The following CLASP2 variants were observed in gnomAD, a reference collection of about 807,000 sequenced individuals.
CLASP2 encodes the protein cytoplasmic linker associated protein 2, also known as CLIP-associating protein 2.
CLASP2 carries 47 observed loss-of-function variants against 194.4 expected under a neutral mutation model. The observed-to-expected ratio is 0.24, with a 90% confidence interval of 0.19 to 0.31. CLASP2 has a LOEUF of 0.31. CLASP2 is among the 10% of genes least tolerant of loss of function. The probability of loss-of-function intolerance (pLI) is 1.00; values close to 1 mark genes in which losing one functional copy is unlikely to be tolerated. For missense variants in CLASP2, 1,445 were observed against 1,823.6 expected, an observed-to-expected ratio of 0.79 and a Z score of 3.78; for synonymous variants, 619 against 633.5, an observed-to-expected ratio of 0.98 and a Z score of 0.34.
chr3:33,655,224 TG>T (rs1348836342), intron 7 of CLASP2, among the ~76,000 whole-genome samples: 1 of 152,162 alleles, frequency 6.6e-6, no homozygotes, highest in African/African-American at 2.4e-5. Context: ...AACCTTTTCT[TG>T]AAGATTCAAG....
intron 5 of CLASP2, 107 bp downstream of exon 5, chr3:33,686,953 C>A: frequency 3.3e-6 from 2 of 608,366 alleles, no homozygotes; most frequent in South Asian, 2.5e-5. Context: ...TTGATTTCAG[C>A]ATCCCCCTCC....
chr3:33,577,097 T>A, intron 23 of CLASP2: 1 of 896,748 alleles, frequency 1.1e-6, no homozygotes, highest in Non-Finnish European at 1.6e-6. Flanking sequence ...TAAATTTAAA[T>A]AATAAAAAAT....
chr3:33,573,591 T>C (rs1048697345), intron 24 of CLASP2: 64 of 541,574 alleles, frequency 1.2e-4, no homozygotes, highest in Non-Finnish European at 1.7e-4. Flanking sequence ...AGTAAGACTA[T>C]ATGGAAGTTC....
chr3:33,533,157 A>C (rs2056670156), intron 34 of CLASP2, among the ~76,000 whole-genome samples: 1 of 152,220 alleles, frequency 6.6e-6, no homozygotes, highest in African/African-American at 2.4e-5. Context: ...GCTAAGTCTC[A>C]ATTTACCAGG....
intron 6 of CLASP2, among the ~76,000 whole-genome samples, chr3:33,666,772 G>C (rs1016155436): frequency 6.6e-6 from 1 of 152,156 alleles, no homozygotes; most frequent in African/African-American, 2.4e-5. Context: ...TTGACATTTT[G>C]AGGAATTATA....
chr3:33,599,420 G>A (rs1332025796), intron 18 of CLASP2, among the ~76,000 whole-genome samples: 1 of 152,104 alleles, frequency 6.6e-6, no homozygotes, highest in African/African-American at 2.4e-5. Context: ...CACTGTGCCG[G>A]CCTCTCTGCC....
intron 1 of CLASP2, among the ~76,000 whole-genome samples, chr3:33,705,369 T>C (rs1461415127): frequency 2.0e-5 from 3 of 152,148 alleles, no homozygotes. Flanking sequence ...AGTAGAATAG[T>C]GGTAGCTTAG....
At chr3:33,564,884 T>G (rs1238982971) in intron 27 of CLASP2, among the ~76,000 whole-genome samples, 1 of 152,070 alleles carries the variant, frequency 6.6e-6, no homozygotes, top group Non-Finnish European at 1.5e-5. Flanking sequence ...GCCATGTGCC[T>G]GGCCTGTACT....
intron 29 of CLASP2, among the ~76,000 whole-genome samples, chr3:33,552,590 T>C (rs1403173481): frequency 1.3e-5 from 2 of 152,222 alleles, no homozygotes; most frequent in East Asian, 1.9e-4. Flanking sequence ...ATAAATTCAA[T>C]TTTAAAGTTT....
intron 15 of CLASP2, among the ~76,000 whole-genome samples, chr3:33,606,990 C>T (rs2074004469): frequency 6.6e-6 from 1 of 152,168 alleles, no homozygotes. Context: ...TTTGTGTGGC[C>T]TTGGGTAAAC....
intron 25 of CLASP2, among the ~76,000 whole-genome samples, chr3:33,572,318 T>A (rs912211960): frequency 6.6e-6 from 1 of 152,232 alleles, no homozygotes; most frequent in Non-Finnish European, 1.5e-5. Context: ...ATTCATGACA[T>A]GTGATATGAA....
intron 10 of CLASP2, among the ~76,000 whole-genome samples, chr3:33,623,689 G>A (rs2077495342): frequency 2.6e-5 from 4 of 151,950 alleles, no homozygotes. Context: ...TGGACATTTA[G>A]GTATATTCCA....
intron 6 of CLASP2, among the ~76,000 whole-genome samples, chr3:33,672,607 C>A (rs1043673386): frequency 8.5e-5 from 13 of 152,192 alleles, no homozygotes; most frequent in African/African-American, 3.1e-4. Flanking sequence ...ATGACTTTGA[C>A]GAGTTGACAG....
chr3:33,607,035 A>T (rs1179758559), intron 15 of CLASP2, among the ~76,000 whole-genome samples: 1 of 152,238 alleles, frequency 6.6e-6, no homozygotes, highest in Non-Finnish European at 1.5e-5. Context: ...CCATCTATGG[A>T]GATAACACTA....
chr3:33,696,358 T>C (rs974542831), intron 2 of CLASP2, among the ~76,000 whole-genome samples: 5 of 146,050 alleles, frequency 3.4e-5, no homozygotes, highest in African/African-American at 1.2e-4. Flanking sequence ...TCTTTCTTTT[T>C]TTTTTTTTTT....
intron 32 of CLASP2, among the ~76,000 whole-genome samples, chr3:33,541,864 T>C (rs997028031): frequency 1.3e-5 from 2 of 152,180 alleles, no homozygotes; most frequent in African/African-American, 4.8e-5. Context: ...AGTAGTGGGA[T>C]TGCTGGCTCA....
intron 7 of CLASP2, among the ~76,000 whole-genome samples, chr3:33,653,332 G>A (rs1354186557): frequency 6.6e-6 from 1 of 151,770 alleles, no homozygotes; most frequent in East Asian, 1.9e-4. Flanking sequence ...ACATTAAAAA[G>A]CAGAAATATA....
chr3:33,514,838 A>G (rs995416639), intron 36 of CLASP2, among the ~76,000 whole-genome samples: 1 of 142,464 alleles, frequency 7.0e-6, no homozygotes, highest in Non-Finnish European at 1.5e-5. Flanking sequence ...ACACACACAC[A>G]CCATGTGTAT....
intron 34 of CLASP2, among the ~76,000 whole-genome samples, chr3:33,526,516 C>T (rs2054605783): frequency 6.6e-6 from 1 of 152,062 alleles, no homozygotes; most frequent in Admixed American, 6.5e-5. Context: ...ACATAGATTC[C>T]CACACAGTAA....
Sources: gnomAD v4.1 joint callset for allele counts (sites outside exome capture counted in the v4.1 genomes callset) on GRCh38, gnomAD v4.1.1 for gene constraint, MANE v1.5 for transcripts, NCBI Gene and HGNC (gene_info 2026-07-23, HGNC 2026-07-21) for gene names.